Variants in DCLRE1A observed in about 807,000 individuals in gnomAD.
The protein encoded by DCLRE1A is DNA cross-link repair 1A protein.
A neutral mutation model predicts 91.9 loss-of-function variants in DCLRE1A; 64 were observed. That is an observed-to-expected ratio of 0.70 (90% CI 0.57 to 0.86). DCLRE1A has a LOEUF of 0.86. Among genes scored for constraint, DCLRE1A ranks in the 40% least tolerant of loss-of-function variants. The probability of loss-of-function intolerance (pLI) is 0.00; values close to 1 mark genes in which losing one functional copy is unlikely to be tolerated. For missense variants in DCLRE1A, 1,145 were observed against 1,213.3 expected (o/e 0.94, Z 0.84); for synonymous variants, 416 against 431.1 (o/e 0.96, Z 0.43).
intron 5 of DCLRE1A, among the ~76,000 whole-genome samples, chr10:113,843,088 G>T (rs1209243327): frequency 6.7e-6 from 1 of 150,330 alleles, no homozygotes; most frequent in Non-Finnish European, 1.5e-5. Flanking sequence ...AAATACAACA[G>T]ATCCAGTTGG....
chr10:113,853,330 T>C lies in DCLRE1A; in HGVS notation c.-148A>G, dbSNP rs980397037. On this transcript the variant is annotated 5_prime_UTR_variant, in exon 1 of 9. Transcript: ENST00000361384. ...CCACCAACTCAATGGGAATCTGCAGTGTTGGTAATGAACATATTGGCAAGC... is the reference window on the plus strand; with the variant it reads ...CCACCAACTCAATGGGAATCTGCAGCGTTGGTAATGAACATATTGGCAAGC... 1.4e-6 allele frequency: 1 copy of C among 714,104 alleles called. No individual in the cohort carries two copies. Among genetic ancestry groups the C allele is most frequent in the Non-Finnish European group, 2.2e-6 (1 of 451,846 alleles). The allele number at this position is 714,104 out of a possible 1,614,324, so 44.2% of individuals were successfully genotyped here.
At position 113,841,498 on chromosome 10, in the gene DCLRE1A, A is replaced by G. The variant is rs749720836; in HGVS notation, c.2728T>C (p.Cys910Arg). 10 of 1,613,592 alleles carry G rather than the reference A, an allele frequency of 6.2e-6. No homozygotes were observed. The highest frequency in any genetic ancestry group is 8.5e-6 in the Non-Finnish European group (10 of 1,179,734). ...GAATTAATTTCTGGTATATTGAGGCACTGTAGAGTTTTATATTTTTCCTGG... is the reference window on the plus strand; with the variant it reads ...GAATTAATTTCTGGTATATTGAGGCGCTGTAGAGTTTTATATTTTTCCTGG... ...MSQEKYKTLQ[C>R]LNIPEINSLI... is the part of the protein sequence containing the mutation. Residue 910 changes from cysteine to arginine, a missense_variant, in exon 7 of 9, where the codon TGC becomes CGC. Cys to Arg is a radical substitution (Grantham distance 180). Transcript: ENST00000361384.
intron 7 of DCLRE1A, among the ~76,000 whole-genome samples, chr10:113,838,348 T>C (rs967629129): frequency 2.0e-5 from 3 of 152,142 alleles, no homozygotes; most frequent in African/African-American, 7.2e-5. Context: ...ATAAACTGAG[T>C]CCAACTTTCA....
intron 7 of DCLRE1A, among the ~76,000 whole-genome samples, chr10:113,839,121 T>C (rs549148155): frequency 1.6e-4 from 24 of 152,028 alleles, no homozygotes; most frequent in East Asian, 1.2e-3. Context: ...GTCAGGAGAT[T>C]GAGACCATCC....
At chr10:113,838,881 G>A (rs555465617) in intron 7 of DCLRE1A, among the ~76,000 whole-genome samples, 12 of 152,220 alleles carry the variant, frequency 7.9e-5, no homozygotes, top group African/African-American at 2.9e-4. Flanking sequence ...AGGCTTTCAG[G>A]CATGCCCTGG....
At chr10:113,852,297 C>G (rs1048100700) in intron 1 of DCLRE1A, among the ~76,000 whole-genome samples, 1 of 152,218 alleles carries the variant, frequency 6.6e-6, no homozygotes, top group Non-Finnish European at 1.5e-5. Flanking sequence ...GATAGCGCCA[C>G]TGCACTCCAA....
chr10:113,846,791 T>C (rs186144443), intron 3 of DCLRE1A, among the ~76,000 whole-genome samples: 1 of 152,376 alleles, frequency 6.6e-6, no homozygotes, highest in Non-Finnish European at 1.5e-5. Context: ...TGTTATACTA[T>C]ATTTTTTAAT....
rs775496689 is a variant in DCLRE1A at position 113,850,013 on chromosome 10, G to A, written c.1092C>T (p.Ser364=). 1.9e-5 allele frequency: 30 copies of A among 1,614,186 alleles called. No homozygotes were observed. Among genetic ancestry groups the A allele is most frequent in the Non-Finnish European group, 2.5e-5 (30 of 1,180,048 alleles). The stretch of plus-strand genomic sequence containing the variant: ...CATCATACTTATCCCGAGTTAAGAA[G>A]CTGTTCACTTTGGGGCAGCTCTCAT... ...DQDESCPKVN[S]FLTRDKYDEG... is the part of the protein sequence containing the mutation. Residue 364 remains serine, a synonymous_variant, in exon 2 of 9, where the codon AGC becomes AGT. Coordinates refer to ENST00000361384, the MANE Select transcript of DCLRE1A (RefSeq NM_014881.5).
Position 113,853,070 on chromosome 10 carries a change from G to C in DCLRE1A, c.113C>G (p.Ala38Gly). The change falls in exon 1 of 9, where the codon GCA becomes GGA. Residue 38 changes from alanine to glycine, a missense_variant. Transcript: ENST00000361384. ...TTTTGACTGGTATTTTCCATCTGTT[G>C]CTTTTTCAACAGATTTTAGAATATT... is the stretch of plus-strand genomic sequence containing the variant. ...SKNILKSVEKATDGKYQSKRS... is the reference protein window; with the variant it reads ...SKNILKSVEKGTDGKYQSKRS... The C allele has an allele frequency of 1.2e-6, 2 of 1,612,704 alleles. No individual in the cohort carries two copies. The highest frequency in any genetic ancestry group is 1.7e-6 in the Non-Finnish European group (2 of 1,179,776).
chr10:113,844,823 C>A (rs535787183), intron 4 of DCLRE1A, among the ~76,000 whole-genome samples: 19 of 151,856 alleles, frequency 1.3e-4, no homozygotes, highest in Non-Finnish European at 2.6e-4. Flanking sequence ...GTAATCCCAG[C>A]TACTTGGAAG....
At chr10:113,848,006 T>C (rs907680123) in intron 2 of DCLRE1A, among the ~76,000 whole-genome samples, 2 of 152,160 alleles carry the variant, frequency 1.3e-5, no homozygotes, top group African/African-American at 4.8e-5. Flanking sequence ...CACATGGTTT[T>C]AGGATCATTT....
rs560107516 is a variant in DCLRE1A at position 113,852,317 on chromosome 10, CAGAG to C, written c.460+402_460+405del. ...CGCCACTGCACTCCAATCTGGGCAA[CAGAG>C]AGAGACTCCGTCTCAAAAAAATAAA... On this transcript the variant is annotated intron_variant, in intron 1 of 8. Coordinates refer to ENST00000361384, the MANE Select transcript of DCLRE1A (RefSeq NM_014881.5). 2.0e-5 allele frequency among the ~76,000 whole-genome samples: 3 copies of C among 152,340 alleles called. No individual in the cohort carries two copies. In the South Asian group the frequency reaches 6.2e-4, roughly 32 times the overall value.
rs1845600056 is a variant in DCLRE1A, at chr10:113,849,401, T to G, written c.1704A>C (p.Lys568Asn). 6.2e-7 allele frequency: 1 copy of G among 1,613,812 alleles called. No individual in the cohort carries two copies. Among genetic ancestry groups the G allele is most frequent in the South Asian group, 1.1e-5 (1 of 91,044 alleles). Residue 568 changes from lysine to asparagine, a missense_variant, in exon 2 of 9, where the codon AAA becomes AAC. Transcript: ENST00000361384. Reference sequence around the variant, plus strand: ...CCCCTAGCAATTTCTCTTCCTTTCTTTTGGGAGGTAGTCCAAAATACACAC... The same window carrying G: ...CCCCTAGCAATTTCTCTTCCTTTCTGTTGGGAGGTAGTCCAAAATACACAC... ...DIGVYFGLPP[K>N]RKEEKLLGES...
intron 7 of DCLRE1A, among the ~76,000 whole-genome samples, chr10:113,838,319 G>A (rs1348381130): frequency 1.3e-5 from 2 of 152,146 alleles, no homozygotes. Flanking sequence ...GAGGTTTAGA[G>A]TAACTATACA....
chr10:113,845,270 C>T (rs1199900801), intron 4 of DCLRE1A, among the ~76,000 whole-genome samples: 1 of 152,020 alleles, frequency 6.6e-6, no homozygotes, highest in East Asian at 1.9e-4. Flanking sequence ...TGAATGATTT[C>T]TTAGTTTAAA....
Position 113,847,257 on chromosome 10 carries a change from G to C in DCLRE1A, c.2204C>G (p.Ser735Cys). Reference sequence around the variant, plus strand: ...TTTAGACAATCCAGCATAATGATCAGAATGAAAATGTGTGAGAAAATAGGC... The same window carrying C: ...TTTAGACAATCCAGCATAATGATCACAATGAAAATGTGTGAGAAAATAGGC... Reference protein sequence around the residue: ...CTAYFLTHFHSDHYAGLSKHF... With the variant: ...CTAYFLTHFHCDHYAGLSKHF... Residue 735 changes from serine to cysteine, a missense_variant, in exon 3 of 9, where the codon TCT becomes TGT. Coordinates refer to ENST00000361384, the MANE Select transcript of DCLRE1A (RefSeq NM_014881.5). 1 of 1,613,828 alleles carries C rather than the reference G, an allele frequency of 6.2e-7. No individual in the cohort carries two copies. The highest frequency in any genetic ancestry group is 8.5e-7 in the Non-Finnish European group (1 of 1,179,806).
In DCLRE1A at chr10:113,835,085, T is replaced by G. The variant is rs1376740230; in HGVS notation, c.*67A>C. The G allele has an allele frequency of 3.9e-5, 57 of 1,451,302 alleles. No individual in the cohort carries two copies. The highest frequency in any genetic ancestry group is 5.1e-5 in the Non-Finnish European group (54 of 1,064,952). 89.9% of individuals were successfully genotyped at this position (1,451,302 alleles called of 1,614,324 possible). ...CCACACAAAGTGTATTTCACATTTC[T>G]ATAGATTTAACTACTAACAAGCTAC... On this transcript the variant is annotated 3_prime_UTR_variant, in exon 9 of 9. Transcript: ENST00000361384.
At chr10:113,848,478 T>G (rs1176097196) in intron 2 of DCLRE1A, among the ~76,000 whole-genome samples, 3 of 152,180 alleles carry the variant, frequency 2.0e-5, no homozygotes. Flanking sequence ...CAACCAAGTA[T>G]ATTTTGGCAG....
chr10:113,853,892 T>C lies in DCLRE1A; in HGVS notation c.-710A>G, dbSNP rs192515817. 3 of 152,292 alleles carry C rather than the reference T, an allele frequency of 2.0e-5. No individual in the cohort carries two copies. The highest frequency in any genetic ancestry group is 3.9e-4 in the East Asian group (2 of 5,176). The allele number at this position is 152,292 out of a possible 1,614,324, so 9.4% of individuals were successfully genotyped here. A position where few individuals can be genotyped will look rare whatever the true frequency, so the allele number is the denominator to read the frequency against. On this transcript the variant is annotated 5_prime_UTR_variant, in exon 1 of 9. It adds an upstream start codon to the 5' untranslated region. Transcript: ENST00000361384. ...AGTTGATATGTGAAAAAAGTTCAAA[T>C]ATGTGAAAGAGTGGGCTTGTATTGA... is the stretch of plus-strand genomic sequence containing the variant.
Sources: allele counts gnomAD v4.1 joint callset (sites outside exome capture counted in the v4.1 genomes callset), GRCh38; gene constraint gnomAD v4.1.1; transcripts MANE v1.5; gene names NCBI Gene and HGNC (gene_info 2026-07-23, HGNC 2026-07-21).